PACSIN2: variants seen among roughly 807,000 people sequenced by gnomAD.
PACSIN2 encodes the protein protein kinase C and casein kinase substrate in neurons 2.
In PACSIN2, 25 loss-of-function variants were observed where a neutral mutation model predicts 63.8. That is an observed-to-expected ratio of 0.39 (90% CI 0.29 to 0.55). The LOEUF is 0.55. Ranked by LOEUF, PACSIN2 falls within the 20% of genes least tolerant of loss-of-function variation. The pLI, the probability that PACSIN2 is intolerant of heterozygous loss-of-function variation, is 0.62. For synonymous variants in PACSIN2, 255 were observed against 256.2 expected, an observed-to-expected ratio of 1.00 and a Z score of 0.05; for missense variants, 518 against 646.9, an observed-to-expected ratio of 0.80 and a Z score of 2.16.
chr22:42,909,600 G>A (rs1326132524), intron 2 of PACSIN2: 2 of 471,140 alleles, frequency 4.2e-6, no homozygotes, highest in East Asian at 1.4e-4. Context: ...ATCACAAGCT[G>A]AGCAGAGCCC....
At chr22:42,992,934 C>T (rs751584554) in intron 1 of PACSIN2, among the ~76,000 whole-genome samples, 30 of 152,138 alleles carry the variant, frequency 2.0e-4, no homozygotes, top group African/African-American at 4.8e-4. Flanking sequence ...GAGGCTGAGG[C>T]GGGCAGATTG....
intron 5 of PACSIN2, 118 bp from the exon 6 acceptor site, chr22:42,884,679 C>A: frequency 1.4e-6 from 1 of 730,668 alleles, no homozygotes. Flanking sequence ...AACAGGAGCT[C>A]TGGATTCTGA....
chr22:42,966,274 G>A (rs1373880295), intron 1 of PACSIN2, among the ~76,000 whole-genome samples: 2 of 152,078 alleles, frequency 1.3e-5, no homozygotes, highest in African/African-American at 4.8e-5. Context: ...GGAGGCTGAG[G>A]CAGGAGAATT....
chr22:42,985,592 C>T (rs1349175711), intron 1 of PACSIN2, among the ~76,000 whole-genome samples: 2 of 152,254 alleles, frequency 1.3e-5, no homozygotes, highest in African/African-American at 2.4e-5. Context: ...GAAGGACCCA[C>T]CTGGTTTTGA....
chr22:42,932,275 C>T (rs901880053), intron 1 of PACSIN2, among the ~76,000 whole-genome samples: 1 of 152,160 alleles, frequency 6.6e-6, no homozygotes, highest in Non-Finnish European at 1.5e-5. Flanking sequence ...AGCGTATGGC[C>T]GGCTCCCCCT....
At position 42,893,456 on chromosome 22, in the gene PACSIN2, C is replaced by T; in HGVS notation, c.217+1G>A. ...ACAGGACCTGTGCCGGGGCCCCATACCTTTCTCCACGAGCTGCCTCCAGCG... is the reference window on the plus strand; with the variant it reads ...ACAGGACCTGTGCCGGGGCCCCATATCTTTCTCCACGAGCTGCCTCCAGCG... On this transcript the variant is annotated splice_donor_variant, in intron 3 of 10. Transcript: ENST00000263246. LOFTEE classifies it high-confidence loss of function. 1 of 1,611,838 alleles carries T rather than the reference C, an allele frequency of 6.2e-7. No individual in the cohort carries two copies. Among genetic ancestry groups the T allele is most frequent in the Non-Finnish European group, 8.5e-7 (1 of 1,179,962 alleles).
At chr22:42,876,766 T>C (rs2146631845) in intron 9 of PACSIN2, 122 bp downstream of exon 9, 3 of 1,298,290 alleles carry the variant, frequency 2.3e-6, no homozygotes, top group Non-Finnish European at 3.3e-6. Context: ...GCACGCCAGG[T>C]GCCCACTTCC....
chr22:42,910,603 C>T (rs1185802647), intron 2 of PACSIN2, among the ~76,000 whole-genome samples: 1 of 152,346 alleles, frequency 6.6e-6, no homozygotes, highest in East Asian at 1.9e-4. Flanking sequence ...CACGGCCAAC[C>T]TCCTGCCATG....
chr22:42,978,256 T>C (rs1921843456), intron 1 of PACSIN2, among the ~76,000 whole-genome samples: 2 of 152,216 alleles, frequency 1.3e-5, no homozygotes, highest in South Asian at 2.1e-4. Context: ...TTTTAAAACA[T>C]GCATTTGTGA....
intron 1 of PACSIN2, among the ~76,000 whole-genome samples, chr22:42,965,385 G>A (rs1433578347): frequency 6.6e-6 from 1 of 152,158 alleles, no homozygotes; most frequent in South Asian, 2.1e-4. Flanking sequence ...CTAAAAGGAT[G>A]CATTCAATTG....
chr22:42,915,890 C>T (rs4822226), intron 1 of PACSIN2, among the ~76,000 whole-genome samples: 21 of 152,148 alleles, frequency 1.4e-4, no homozygotes, highest in African/African-American at 4.6e-4. Flanking sequence ...CAAAGATATC[C>T]GAAGCCCTAA....
chr22:42,968,404 C>T (rs1921006558), intron 1 of PACSIN2, among the ~76,000 whole-genome samples: 1 of 152,150 alleles, frequency 6.6e-6, no homozygotes, highest in South Asian at 2.1e-4. Flanking sequence ...ATTATCTTCT[C>T]CCTTCTCCTT....
At chr22:42,931,581 G>A (rs3827363) in intron 1 of PACSIN2, among the ~76,000 whole-genome samples, 93,577 of 151,702 alleles carry the variant, frequency 0.62, 29,759 homozygotes, top group East Asian at 0.82. Flanking sequence ...TGGCTGCCCT[G>A]AAACAGGAAC....
At chr22:42,892,629 C>G (rs1929993895) in intron 3 of PACSIN2, among the ~76,000 whole-genome samples, 3 of 152,208 alleles carry the variant, frequency 2.0e-5, no homozygotes. Context: ...CACGTGCCTG[C>G]TCCACAGCCT....
intron 1 of PACSIN2, among the ~76,000 whole-genome samples, chr22:42,930,315 C>T (rs746236781): frequency 6.6e-6 from 1 of 152,184 alleles, no homozygotes; most frequent in Admixed American, 6.5e-5. Context: ...CTCTCTGCCC[C>T]AATTCCACAG....
At chr22:42,878,109 C>T (rs978187687) in intron 8 of PACSIN2, among the ~76,000 whole-genome samples, 1 of 152,184 alleles carries the variant, frequency 6.6e-6, no homozygotes, top group East Asian at 1.9e-4. Flanking sequence ...TGTTGTGAGA[C>T]GGCACTGGTG....
chr22:42,929,658 C>A (rs1329645126), intron 1 of PACSIN2, among the ~76,000 whole-genome samples: 1 of 152,180 alleles, frequency 6.6e-6, no homozygotes, highest in South Asian at 2.1e-4. Context: ...GGACATCTTT[C>A]CAATTGTGTG....
Position 42,983,499 on chromosome 22 carries a change from A to AAC in PACSIN2, c.-78+31521_-78+31522insGT, listed in dbSNP as rs1555944122. 2.2e-4 allele frequency among the ~76,000 whole-genome samples: 32 copies of AAC among 145,826 alleles called. 1 individual carries two copies. Among genetic ancestry groups the AAC allele is most frequent in the Admixed American group, 1.3e-3 (18 of 14,246 alleles). On this transcript the variant is annotated intron_variant, in intron 1 of 10. Coordinates refer to ENST00000263246, the MANE Select transcript of PACSIN2 (RefSeq NM_001184970.3). ...AGTGAGACTCCATCTCAAAAAAAAA[A>AAC]AAAAAAAAACAGATATTGAAGGCAA...
intron 1 of PACSIN2, among the ~76,000 whole-genome samples, chr22:42,952,702 G>A (rs1373868002): frequency 1.4e-5 from 2 of 146,214 alleles, no homozygotes; most frequent in South Asian, 2.2e-4. Context: ...TCGCTCTGTC[G>A]CCCCGGCTGG....
Sources: allele counts gnomAD v4.1 joint callset (sites outside exome capture counted in the v4.1 genomes callset), GRCh38; gene constraint gnomAD v4.1.1; transcripts MANE v1.5; gene names NCBI Gene and HGNC (gene_info 2026-07-23, HGNC 2026-07-21).